Variants in TRIM13 observed in about 807,000 individuals in gnomAD.
TRIM13 encodes the protein tripartite motif containing 13.
Under a neutral mutation model 27.1 loss-of-function variants are expected in TRIM13, and 15 were observed. That is an observed-to-expected ratio of 0.55 (90% CI 0.37 to 0.85). TRIM13 has a LOEUF of 0.85. TRIM13 is among the 40% of genes least tolerant of loss of function. TRIM13 has a pLI of 0.00. For synonymous variants in TRIM13, 193 were observed against 171.5 expected (o/e 1.13, Z -0.98); for missense variants, 402 against 472.2 (o/e 0.85, Z 1.38).
At chr13:50,008,299 T>C (rs1015435265) in intron 1 of TRIM13, among the ~76,000 whole-genome samples, 2 of 152,196 alleles carry the variant, frequency 1.3e-5, no homozygotes, top group African/African-American at 4.8e-5. Flanking sequence ...TGTGCATATA[T>C]CCCTGAGTAA....
At chr13:50,000,770 A>ATT (rs34595601) in intron 1 of TRIM13, among the ~76,000 whole-genome samples, 28,019 of 152,076 alleles carry the variant, frequency 0.18, 3,497 homozygotes, top group East Asian at 0.62. Flanking sequence ...ATAAAAACTA[A>ATT]TTTTATAATT....
chr13:50,011,143 C>T (rs922186366), intron 1 of TRIM13, among the ~76,000 whole-genome samples: 34 of 152,198 alleles, frequency 2.2e-4, no homozygotes, highest in African/African-American at 7.7e-4. Flanking sequence ...TGTCTACACA[C>T]CATTGCTTTT....
At position 50,013,483 on chromosome 13, in the gene TRIM13, G is replaced by A. The variant is rs1371267769; in HGVS notation, c.*319G>A. ...TATTGATGGAAGTATAGGTAGTATA[G>A]TAGTGATTGTTCTTCAAGCATGCAG... On this transcript the variant is annotated 3_prime_UTR_variant, in exon 2 of 2. Coordinates refer to ENST00000378182, the MANE Select transcript of TRIM13 (RefSeq NM_213590.3). The A allele has an allele frequency of 2.8e-5, 5 of 181,240 alleles. No individual in the cohort carries two copies. The highest frequency in any genetic ancestry group is 5.0e-5 in the Non-Finnish European group (4 of 79,508). 11.2% of individuals were successfully genotyped at this position (181,240 alleles called of 1,614,324 possible).
In TRIM13 at chr13:50,015,771, C is replaced by G; in HGVS notation, c.*2607C>G. ...GAGGCTCTTTTCTATGAACTTCGTT[C>G]TCTAGTTGATCTCTTAAACCCATAC... On this transcript the variant is annotated 3_prime_UTR_variant, in exon 2 of 2. Transcript: ENST00000378182. 1 of 1,614,088 alleles carries G rather than the reference C, an allele frequency of 6.2e-7. No homozygotes were observed. Among genetic ancestry groups the G allele is most frequent in the Non-Finnish European group, 8.5e-7 (1 of 1,179,988 alleles).
intron 1 of TRIM13, 56 bp from the exon 2 acceptor site, chr13:50,011,879 C>T (rs773476222): frequency 3.3e-5 from 49 of 1,493,028 alleles, no homozygotes; most frequent in African/African-American, 5.6e-5. Flanking sequence ...CTAATTATTA[C>T]ATAGTCCTAG....
rs928034303 is a variant in TRIM13 at position 50,015,924 on chromosome 13, C to T, written c.*2760C>T. ...CTAACAGGGAGGATTACAGTGTTTACAGAACAACCTTCAGCGCCGACCTGG... is the reference window on the plus strand; with the variant it reads ...CTAACAGGGAGGATTACAGTGTTTATAGAACAACCTTCAGCGCCGACCTGG... On this transcript the variant is annotated 3_prime_UTR_variant, in exon 2 of 2. Coordinates refer to ENST00000378182, the MANE Select transcript of TRIM13 (RefSeq NM_213590.3). 1.9e-6 allele frequency: 3 copies of T among 1,614,116 alleles called. No individual in the cohort carries two copies. Among genetic ancestry groups the T allele is most frequent in the South Asian group, 2.2e-5 (2 of 91,078 alleles).
chr13:50,004,946 G>T (rs945992758), intron 1 of TRIM13, among the ~76,000 whole-genome samples: 1 of 151,496 alleles, frequency 6.6e-6, no homozygotes, highest in Non-Finnish European at 1.5e-5. Context: ...TGTGGTGGCG[G>T]GCACCTGTAA....
Position 50,016,602 on chromosome 13 carries a change from C to T in TRIM13, c.*3438C>T, listed in dbSNP as rs1024514822. The T allele has an allele frequency of 1.2e-5, 2 of 167,464 alleles. No individual in the cohort carries two copies. Among genetic ancestry groups the T allele is most frequent in the African/African-American group, 4.8e-5 (2 of 41,432 alleles). 10.4% of individuals were successfully genotyped at this position (167,464 alleles called of 1,614,324 possible). On this transcript the variant is annotated 3_prime_UTR_variant, in exon 2 of 2. Transcript: ENST00000378182. The stretch of plus-strand genomic sequence containing the variant: ...TTGGTATCCTGTTACAGCCTTGGCT[C>T]TTAAACAACTCAAAATATTGGGATA...
chr13:50,003,149 C>G (rs1566433496), intron 1 of TRIM13, among the ~76,000 whole-genome samples: 1 of 152,110 alleles, frequency 6.6e-6, no homozygotes. Context: ...ACATTTGTGG[C>G]TGTCTCAGTT....
chr13:50,002,176 G>A (rs1440285940), intron 1 of TRIM13, among the ~76,000 whole-genome samples: 1 of 152,132 alleles, frequency 6.6e-6, no homozygotes, highest in Admixed American at 6.5e-5. Context: ...GATACTTGTG[G>A]CCAGGAGTTT....
chr13:50,016,886 G>T lies in TRIM13; in HGVS notation c.*3722G>T, dbSNP rs1876660938. On this transcript the variant is annotated 3_prime_UTR_variant, in exon 2 of 2. Coordinates refer to ENST00000378182, the MANE Select transcript of TRIM13 (RefSeq NM_213590.3). ...TACTTTTTTTTTTTTTTTTGGTAAA[G>T]GTAGGCGTATTTTAAGATATTTTCT... 3 of 164,606 alleles carry T rather than the reference G, an allele frequency of 1.8e-5. No homozygotes were observed. Among genetic ancestry groups the T allele is most frequent in the African/African-American group, 4.9e-5 (2 of 40,778 alleles). 10.2% of individuals were successfully genotyped at this position (164,606 alleles called of 1,614,324 possible). A position where few individuals can be genotyped will look rare whatever the true frequency, so the allele number is the denominator to read the frequency against.
At chr13:50,008,224 A>G (rs1875067439) in intron 1 of TRIM13, among the ~76,000 whole-genome samples, 1 of 152,146 alleles carries the variant, frequency 6.6e-6, no homozygotes, top group Non-Finnish European at 1.5e-5. Flanking sequence ...ACTTTTTATC[A>G]TAGATGGCCT....
chr13:50,002,352 G>T lies in TRIM13; in HGVS notation c.-7+4589G>T, dbSNP rs1594560127. 2.6e-5 allele frequency among the ~76,000 whole-genome samples: 4 copies of T among 151,284 alleles called. No individual in the cohort carries two copies. The Admixed American group carries it at 2.7e-4, about 10-fold the overall frequency. ...TGCAGTGAGACGAGATCGCACCATTGCACTCCAGCCTGGGTGACAGAGCAA... is the reference window on the plus strand; with the variant it reads ...TGCAGTGAGACGAGATCGCACCATTTCACTCCAGCCTGGGTGACAGAGCAA... On this transcript the variant is annotated intron_variant, in intron 1 of 1. Transcript: ENST00000378182.
Position 50,016,294 on chromosome 13 carries a change from T to C in TRIM13, c.*3130T>C, listed in dbSNP as rs1402221431. ...TATTAGGTGGGACAAAAGGAATAAA[T>C]GAAGACTGCCCAGAAAAAACTGAGA... is the stretch of plus-strand genomic sequence containing the variant. On this transcript the variant is annotated 3_prime_UTR_variant, in exon 2 of 2. Transcript: ENST00000378182. 1.4e-4 allele frequency: 63 copies of C among 466,192 alleles called. No individual in the cohort carries two copies. Among genetic ancestry groups the C allele is most frequent in the Non-Finnish European group, 3.9e-6 (1 of 254,690 alleles). The allele number at this position is 466,192 out of a possible 1,614,324, so 28.9% of individuals were successfully genotyped here. A position where few individuals can be genotyped will look rare whatever the true frequency, so the allele number is the denominator to read the frequency against.
intron 1 of TRIM13, 138 bp from the exon 2 acceptor site, chr13:50,011,797 C>T: frequency 9.4e-7 from 1 of 1,063,994 alleles, no homozygotes; most frequent in Non-Finnish European, 1.3e-6. Flanking sequence ...CATTCCCTTA[C>T]CAAATTTCTC....
intron 1 of TRIM13, among the ~76,000 whole-genome samples, chr13:50,002,954 C>T (rs867469252): frequency 3.3e-5 from 5 of 152,304 alleles, no homozygotes; most frequent in Middle Eastern, 3.4e-3. Context: ...AGCCAATGCA[C>T]CTGGCCTAAT....
rs1876240162 is a variant in TRIM13 at position 50,015,086 on chromosome 13, AAAAAAAAAATATAT to A, written c.*1924_*1937del. ...TCCCCTCCCAGTAATAAAAAAAAAAAAAAAAAAAATATATATATATATATATATATATATATATA... is the reference window on the plus strand; with the variant it reads ...TCCCCTCCCAGTAATAAAAAAAAAAAATATATATATATATATATATATATA... On this transcript the variant is annotated 3_prime_UTR_variant, in exon 2 of 2. Transcript: ENST00000378182. 1.8e-5 allele frequency: 1 copy of A among 56,800 alleles called. No homozygotes were observed. Among genetic ancestry groups the A allele is most frequent in the Admixed American group, 2.6e-4 (1 of 3,884 alleles). 3.5% of individuals were successfully genotyped at this position (56,800 alleles called of 1,614,324 possible). A position where few individuals can be genotyped will look rare whatever the true frequency, so the allele number is the denominator to read the frequency against.
chr13:49,998,568 T>C (rs1261188193), intron 1 of TRIM13, among the ~76,000 whole-genome samples: 1 of 152,146 alleles, frequency 6.6e-6, no homozygotes, highest in Non-Finnish European at 1.5e-5. Context: ...TTTCGTAGTT[T>C]ATGGAATTCT....
intron 1 of TRIM13, among the ~76,000 whole-genome samples, chr13:50,008,813 T>G (rs113674705): frequency 1.1e-4 from 16 of 151,624 alleles, no homozygotes; most frequent in African/African-American, 3.9e-4. Flanking sequence ...CCCAGCAATT[T>G]GAGACTAGCC....
Sources: allele counts gnomAD v4.1 joint callset (sites outside exome capture counted in the v4.1 genomes callset), GRCh38; gene constraint gnomAD v4.1.1; transcripts MANE v1.5; gene names NCBI Gene and HGNC (gene_info 2026-07-23, HGNC 2026-07-21).